FSTL4: variants seen among roughly 807,000 people sequenced by gnomAD.
FSTL4 encodes the protein follistatin like 4.
A neutral mutation model predicts 78.2 loss-of-function variants in FSTL4; 28 were observed. The observed-to-expected ratio is 0.36, with a 90% CI of 0.27 to 0.49. The LOEUF is 0.49. FSTL4 is among the 20% of genes least tolerant of loss of function. FSTL4 has a pLI of 0.98. For synonymous variants in FSTL4, 422 were observed against 440.5 expected, an observed-to-expected ratio of 0.96 and a Z score of 0.53; for missense variants, 922 against 1,084.9, an observed-to-expected ratio of 0.85 and a Z score of 2.11.
the FSTL4 span, among the ~76,000 whole-genome samples, chr5:133,674,282 A>G: frequency 1.3e-5 from 2 of 152,144 alleles, no homozygotes; most frequent in African/African-American, 4.8e-5. Context: ...CTGTATGACA[A>G]CAATTTCCCC....
chr5:133,293,485 A>G (rs1424512782), intron 6 of FSTL4, among the ~76,000 whole-genome samples: 1 of 152,118 alleles, frequency 6.6e-6, no homozygotes, highest in East Asian at 1.9e-4. Context: ...GTTCACCTCA[A>G]CCTGCATCCA....
chr5:133,473,999 T>C (rs574917744), intron 3 of FSTL4, among the ~76,000 whole-genome samples: 2 of 152,264 alleles, frequency 1.3e-5, no homozygotes, highest in East Asian at 3.9e-4. Context: ...CAAGATGAGA[T>C]TTTGGGTGGG....
the FSTL4 span, among the ~76,000 whole-genome samples, chr5:133,793,541 T>C: frequency 3.3e-5 from 5 of 152,252 alleles, no homozygotes; most frequent in African/African-American, 1.2e-4. Context: ...AGCTGGAACA[T>C]GGCAGCGCCA....
At chr5:133,629,864 T>A in the FSTL4 span, among the ~76,000 whole-genome samples, 2 of 152,208 alleles carry the variant, frequency 1.3e-5, no homozygotes, top group African/African-American at 2.4e-5. Flanking sequence ...ATAAATGTAA[T>A]CCATCACATG....
intron 3 of FSTL4, among the ~76,000 whole-genome samples, chr5:133,418,104 T>C (rs1203502277): frequency 6.9e-6 from 1 of 145,508 alleles, no homozygotes; most frequent in Non-Finnish European, 1.5e-5. Flanking sequence ...ACAACAAAAG[T>C]AAGGAAAAGA....
At chr5:133,316,353 G>A in intron 5 of FSTL4, 106 bp downstream of exon 5, 1 of 797,864 alleles carries the variant, frequency 1.3e-6, no homozygotes, top group Non-Finnish European at 2.0e-6. Context: ...TTTGTGAGAT[G>A]TTCTCAGAGG....
intron 3 of FSTL4, among the ~76,000 whole-genome samples, chr5:133,544,800 G>C (rs1222632177): frequency 6.6e-6 from 1 of 152,210 alleles, no homozygotes; most frequent in African/African-American, 2.4e-5. Context: ...TAAGCTGTAG[G>C]AACAGCAGCA....
intron 3 of FSTL4, among the ~76,000 whole-genome samples, chr5:133,427,888 T>G (rs535394492): frequency 6.6e-6 from 1 of 152,150 alleles, no homozygotes; most frequent in Non-Finnish European, 1.5e-5. Flanking sequence ...GGACCTTTGC[T>G]GTCTATAGTT....
chr5:133,249,013 T>C (rs1303761686), intron 7 of FSTL4, among the ~76,000 whole-genome samples: 1 of 152,022 alleles, frequency 6.6e-6, no homozygotes, highest in Admixed American at 6.5e-5. Flanking sequence ...CCTCCTAAGG[T>C]CCCCCAGCCC....
At chr5:133,312,798 C>T (rs370478108) in intron 5 of FSTL4, 21 bp from the exon 6 acceptor site, 71 of 1,613,430 alleles carry the variant, frequency 4.4e-5, no homozygotes, top group Non-Finnish European at 5.8e-5. Context: ...AGGAGGAGAA[C>T]AAGGCCAGAA....
chr5:133,835,106 A>G, the FSTL4 span, among the ~76,000 whole-genome samples: 1 of 152,162 alleles, frequency 6.6e-6, no homozygotes, highest in Non-Finnish European at 1.5e-5. Flanking sequence ...CTCCTCCTAC[A>G]CACACACAAA....
At chr5:133,407,400 C>G (rs2126976879) in intron 3 of FSTL4, among the ~76,000 whole-genome samples, 1 of 152,344 alleles carries the variant, frequency 6.6e-6, no homozygotes, top group East Asian at 1.9e-4. Flanking sequence ...TCAAACTCAA[C>G]CGGTGAGCAC....
In FSTL4 at chr5:133,353,612, A is replaced by G. The variant is rs114985071; in HGVS notation, c.410-36960T>C. Among the ~76,000 whole-genome samples the G allele has an allele frequency of 5.5e-3, 843 of 152,330 alleles. 6 individuals are homozygous for G. The highest frequency in any genetic ancestry group is 0.019 in the African/African-American group (807 of 41,578). Reference sequence around the variant, plus strand: ...AGCTAGGTGAGGTGGGGGTGGGACAACCAGAGTCATACAATTTGGATCAAC... The same window carrying G: ...AGCTAGGTGAGGTGGGGGTGGGACAGCCAGAGTCATACAATTTGGATCAAC... On this transcript the variant is annotated intron_variant, in intron 4 of 15. Coordinates refer to ENST00000265342, the MANE Select transcript of FSTL4 (RefSeq NM_015082.2).
chr5:133,825,950 C>G, the FSTL4 span, among the ~76,000 whole-genome samples: 1 of 152,234 alleles, frequency 6.6e-6, no homozygotes, highest in East Asian at 1.9e-4. Flanking sequence ...TATAACCTTC[C>G]TTGAGGTCGC....
intron 3 of FSTL4, among the ~76,000 whole-genome samples, chr5:133,556,373 T>G (rs1158433708): frequency 1.3e-5 from 2 of 152,308 alleles, no homozygotes; most frequent in African/African-American, 4.8e-5. Flanking sequence ...AGTAAAGGAC[T>G]AAAACTTTTG....
the FSTL4 span, among the ~76,000 whole-genome samples, chr5:133,675,970 C>T: frequency 3.7e-3 from 570 of 152,256 alleles, 11 homozygotes; most frequent in Non-Finnish European, 9.9e-4. Context: ...TCCAGGGCCC[C>T]GCCCTTTGTG....
intron 3 of FSTL4, among the ~76,000 whole-genome samples, chr5:133,473,878 C>T (rs1319648963): frequency 2.0e-5 from 3 of 152,064 alleles, no homozygotes; most frequent in African/African-American, 4.8e-5. Context: ...AGATCTTGTG[C>T]GAACTCACTC....
chr5:133,775,721 T>C, the FSTL4 span, among the ~76,000 whole-genome samples: 1 of 152,176 alleles, frequency 6.6e-6, no homozygotes, highest in Admixed American at 6.5e-5. Context: ...ACCACTTCTG[T>C]CTTGACCCAC....
At chr5:133,241,664 C>T (rs1221142989) in intron 7 of FSTL4, among the ~76,000 whole-genome samples, 1 of 152,222 alleles carries the variant, frequency 6.6e-6, no homozygotes, top group East Asian at 1.9e-4. Flanking sequence ...ATTAGCTTGG[C>T]ATCCCCAGCT....
Sources: gnomAD v4.1 joint callset for allele counts (sites outside exome capture counted in the v4.1 genomes callset) on GRCh38, gnomAD v4.1.1 for gene constraint, MANE v1.5 for transcripts, NCBI Gene and HGNC (gene_info 2026-07-23, HGNC 2026-07-21) for gene names.